The following TET2 variants were observed in gnomAD, a reference collection of about 807,000 sequenced individuals.
TET2 encodes the protein methylcytosine dioxygenase TET2.
Under a neutral mutation model 142.9 loss-of-function variants are expected in TET2, and 299 were observed. The observed-to-expected ratio is 2.09, with a 90% CI of 1.90 to 2.30. The LOEUF (loss-of-function observed/expected upper bound fraction) is 2.30, where lower values mean the gene tolerates loss of function less well. TET2 is among the 30% of genes most tolerant of loss of function. TET2 has a pLI of 0.00. For missense variants in TET2, 2,418 were observed against 2,378.0 expected (o/e 1.02, Z -0.35); for synonymous variants, 819 against 849.0 (o/e 0.96, Z 0.61).
At chr4:105,176,168 C>CA (rs1263049248) in intron 1 of TET2, among the ~76,000 whole-genome samples, 1 of 152,064 alleles carries the variant, frequency 6.6e-6, no homozygotes, top group Non-Finnish European at 1.5e-5. Context: ...AGAAAATACA[C>CA]AAAAAACCTA....
At chr4:105,204,266 C>CAT (rs2110522022) in intron 2 of TET2, among the ~76,000 whole-genome samples, 1 of 140,144 alleles carries the variant, frequency 7.1e-6, no homozygotes, top group Admixed American at 6.9e-5. Context: ...CACACACACA[C>CAT]ACATACATAC....
At chr4:105,256,740 C>A (rs766631964) in intron 6 of TET2, among the ~76,000 whole-genome samples, 2 of 152,032 alleles carry the variant, frequency 1.3e-5, no homozygotes, top group Non-Finnish European at 2.9e-5. Flanking sequence ...TGTTGGTATG[C>A]TTTATGGTCT....
chr4:105,272,591 C>A lies in TET2; in HGVS notation c.4210C>A (p.Arg1404=), dbSNP rs974106601. The change falls in exon 10 of 11, where the codon CGA becomes AGA. Residue 1404 remains arginine, a synonymous_variant. Transcript: ENST00000380013. ...ATGCACTCTCACTAGAGAAGACAAT[C>A]GAGAATTTGGAGGAAAACCTGAGGA... ...LVCTLTREDN[R]EFGGKPEDEQ... is the part of the protein sequence containing the mutation. 1.3e-6 allele frequency: 2 copies of A among 1,544,268 alleles called. No individual in the cohort carries two copies. The highest frequency in any genetic ancestry group is 2.4e-5 in the East Asian group (1 of 40,898).
chr4:105,237,732 C>A (rs913265384), intron 3 of TET2: 6 of 1,238,188 alleles, frequency 4.8e-6, no homozygotes, highest in Non-Finnish European at 6.1e-6. Context: ...CGACCATAGG[C>A]AGTCTAATGT....
chr4:105,188,961 A>C (rs1365653433), intron 1 of TET2, among the ~76,000 whole-genome samples: 1 of 152,130 alleles, frequency 6.6e-6, no homozygotes, highest in Non-Finnish European at 1.5e-5. Context: ...AGAGTGGCAT[A>C]ATTTTTTTTA....
At chr4:105,223,050 G>A (rs1393109613) in intron 2 of TET2, among the ~76,000 whole-genome samples, 2 of 152,016 alleles carry the variant, frequency 1.3e-5, no homozygotes, top group African/African-American at 4.8e-5. Context: ...ATTTCTGAGG[G>A]CTCTGTTCTG....
At chr4:105,243,853 G>T (rs957676543) in intron 6 of TET2, 75 bp downstream of exon 6, 3 of 1,342,286 alleles carry the variant, frequency 2.2e-6, no homozygotes, top group Middle Eastern at 1.8e-4. Context: ...GAAAGGAAGA[G>T]AGTTCAGCGT....
At position 105,219,636 on chromosome 4, in the gene TET2, TG is replaced by T. The variant is rs554246529; in HGVS notation, c.-46-14257del. Among the ~76,000 whole-genome samples the T allele has an allele frequency of 4.6e-5, 7 of 152,232 alleles. No individual in the cohort carries two copies. In the East Asian group the frequency reaches 1.2e-3, roughly 25 times the overall value. On this transcript the variant is annotated intron_variant, in intron 2 of 10. Coordinates refer to ENST00000380013, the MANE Select transcript of TET2 (RefSeq NM_001127208.3). The stretch of plus-strand genomic sequence containing the variant: ...TAATTTCTACCTTTTGATAGCTTTG[TG>T]GGGTTTTGTTTGTTTGTTTTTTGTT...
intron 6 of TET2, among the ~76,000 whole-genome samples, chr4:105,253,844 CTT>C (rs1340241895): frequency 1.3e-5 from 2 of 152,144 alleles, no homozygotes; most frequent in South Asian, 2.1e-4. Context: ...TAGTTCCCCT[CTT>C]TTCCTAGTTT....
intron 2 of TET2, among the ~76,000 whole-genome samples, chr4:105,191,238 T>G (rs1452920322): frequency 6.6e-6 from 1 of 152,182 alleles, no homozygotes; most frequent in Non-Finnish European, 1.5e-5. Flanking sequence ...AAATACTTTT[T>G]TAATCATGTT....
intron 2 of TET2, among the ~76,000 whole-genome samples, chr4:105,209,664 T>C (rs7696287): frequency 0.088 from 13,435 of 152,182 alleles, 1,728 homozygotes; most frequent in African/African-American, 0.28. Flanking sequence ...AATTTTACTC[T>C]TCCTTGGTGA....
chr4:105,274,500 A>G (rs879317520), intron 10 of TET2, among the ~76,000 whole-genome samples: 3 of 152,212 alleles, frequency 2.0e-5, no homozygotes, highest in Non-Finnish European at 4.4e-5. Context: ...ATTATTTAGC[A>G]AATTCCATTG....
intron 2 of TET2, among the ~76,000 whole-genome samples, chr4:105,223,635 T>C (rs529018696): frequency 6.6e-6 from 1 of 152,284 alleles, no homozygotes; most frequent in African/African-American, 2.4e-5. Flanking sequence ...CATCTTGAAA[T>C]AAGTGTATAA....
At chr4:105,184,791 A>G (rs1469005182) in intron 1 of TET2, among the ~76,000 whole-genome samples, 1 of 152,108 alleles carries the variant, frequency 6.6e-6, no homozygotes, top group Non-Finnish European at 1.5e-5. Flanking sequence ...CTTTGTGGGC[A>G]TATCCTGCTG....
chr4:105,148,079 CA>C (rs1440723809), intron 1 of TET2, among the ~76,000 whole-genome samples: 7 of 151,960 alleles, frequency 4.6e-5, no homozygotes, highest in Non-Finnish European at 4.4e-5. Flanking sequence ...CACACACACA[CA>C]CACCTCACTC....
chr4:105,269,801 A>T, intron 9 of TET2, 54 bp downstream of exon 9: 13 of 1,531,850 alleles, frequency 8.5e-6, no homozygotes, highest in Non-Finnish European at 1.2e-5. Flanking sequence ...TCACACTGCT[A>T]ATAAAGACAT....
intron 1 of TET2, among the ~76,000 whole-genome samples, chr4:105,188,997 T>C (rs915267708): frequency 1.3e-5 from 2 of 152,130 alleles, no homozygotes; most frequent in African/African-American, 4.8e-5. Context: ...CTGACTCATA[T>C]ACTTTACAAG....
Position 105,227,328 on chromosome 4 carries a change from G to T in TET2, c.-46-6569G>T, listed in dbSNP as rs1249441712. ...AACCAGTTTAACAACCCCAAAAAAG[G>T]CCTTAATTTTGATTGGCCAGCATCC... On this transcript the variant is annotated intron_variant, in intron 2 of 10. Coordinates refer to ENST00000380013, the MANE Select transcript of TET2 (RefSeq NM_001127208.3). Among the ~76,000 whole-genome samples the T allele has an allele frequency of 3.3e-5, 5 of 152,238 alleles. No individual in the cohort carries two copies. In the East Asian group the frequency reaches 9.7e-4, roughly 29 times the overall value.
chr4:105,168,536 A>G (rs1002690311), intron 1 of TET2, among the ~76,000 whole-genome samples: 16 of 152,102 alleles, frequency 1.1e-4, no homozygotes, highest in Admixed American at 2.6e-4. Context: ...TCTATCTAAC[A>G]GAACTCTGAC....
Sources: allele counts gnomAD v4.1 joint callset (sites outside exome capture counted in the v4.1 genomes callset), GRCh38; gene constraint gnomAD v4.1.1; transcripts MANE v1.5; gene names NCBI Gene and HGNC (gene_info 2026-07-23, HGNC 2026-07-21).